The following ABCA13 variants were observed in gnomAD, a reference collection of about 807,000 sequenced individuals.
ABCA13 encodes ATP-binding cassette sub-family A member 13.
A neutral mutation model predicts 478.7 loss-of-function variants in ABCA13; 476 were observed. That is an observed-to-expected ratio of 0.99 (90% CI 0.92 to 1.07). The LOEUF (loss-of-function observed/expected upper bound fraction) is 1.07. ABCA13 is among the 50% of genes least tolerant of loss of function. The probability of loss-of-function intolerance (pLI) is 0.00; values close to 1 mark genes in which losing one functional copy is unlikely to be tolerated. For missense variants in ABCA13, 6,060 were observed against 5,910.6 expected, an observed-to-expected ratio of 1.03 and a Z score of -0.83; for synonymous variants, 2,252 against 2,158.9, an observed-to-expected ratio of 1.04 and a Z score of -1.20.
intron 41 of ABCA13, among the ~76,000 whole-genome samples, chr7:48,414,595 T>C (rs1819715606): frequency 6.7e-6 from 1 of 150,086 alleles, no homozygotes; most frequent in Non-Finnish European, 1.5e-5. Flanking sequence ...ATAATATACA[T>C]ACATATACAT....
rs1030285862 is a variant in ABCA13, at chr7:48,198,306, C to T, written c.233C>T (p.Thr78Ile). 4.3e-6 allele frequency: 7 copies of T among 1,613,618 alleles called. No individual in the cohort carries two copies. The highest frequency in any genetic ancestry group is 5.1e-6 in the Non-Finnish European group (6 of 1,179,834). ...IPFVQSLLCN[T>I]GSRCRNFSYE... The stretch of plus-strand genomic sequence containing the variant: ...TTTGTTCAAAGCCTTCTTTGTAACA[C>T]TGGATCAAGGTGTAGGAACTTCAGC... Residue 78 changes from threonine (T) to isoleucine (I), a missense_variant, in exon 3 of 62, where the codon ACT becomes ATT. Coordinates refer to ENST00000435803, the MANE Select transcript of ABCA13 (RefSeq NM_152701.5).
chr7:48,198,185 C>T, intron 2 of ABCA13, 52 bp from the exon 3 acceptor site: 4 of 1,532,410 alleles, frequency 2.6e-6, no homozygotes, highest in South Asian at 2.7e-5. Context: ...ACAGGAATTC[C>T]ATTTCTGGTA....
At chr7:48,637,907 G>T (rs527744212) in intron 59 of ABCA13, among the ~76,000 whole-genome samples, 1 of 152,134 alleles carries the variant, frequency 6.6e-6, no homozygotes, top group Non-Finnish European at 1.5e-5. Context: ...CATCTGCAGG[G>T]GTGTTAGAGT....
intron 27 of ABCA13, among the ~76,000 whole-genome samples, chr7:48,323,769 C>T (rs1244769378): frequency 6.6e-6 from 1 of 152,200 alleles, no homozygotes; most frequent in Non-Finnish European, 1.5e-5. Context: ...ACCCACATCT[C>T]ATCTTGAATT....
intron 27 of ABCA13, among the ~76,000 whole-genome samples, chr7:48,319,270 T>G (rs1018456929): frequency 6.6e-6 from 1 of 152,210 alleles, no homozygotes; most frequent in Non-Finnish European, 1.5e-5. Context: ...TTTTAGATAT[T>G]GCAGGCAGTA....
At chr7:48,459,529 G>T (rs1201275489) in intron 43 of ABCA13, among the ~76,000 whole-genome samples, 1 of 152,240 alleles carries the variant, frequency 6.6e-6, no homozygotes, top group South Asian at 2.1e-4. Context: ...CGGCTCAGAT[G>T]CCCCCTTCCA....
chr7:48,432,022 T>C (rs1287211316), intron 42 of ABCA13, among the ~76,000 whole-genome samples: 4 of 152,300 alleles, frequency 2.6e-5, no homozygotes, highest in African/African-American at 9.6e-5. Context: ...AATTTTTTAA[T>C]TTTACATACG....
chr7:48,439,280 G>A (rs1823262966), intron 42 of ABCA13, among the ~76,000 whole-genome samples: 2 of 152,078 alleles, frequency 1.3e-5, no homozygotes, highest in Admixed American at 1.3e-4. Context: ...AGTTCCTTGA[G>A]GTGCCCATTT....
At chr7:48,246,713 G>A (rs1363898623) in intron 13 of ABCA13, among the ~76,000 whole-genome samples, 1 of 152,120 alleles carries the variant, frequency 6.6e-6, no homozygotes, top group Non-Finnish European at 1.5e-5. Flanking sequence ...ATTGAATAGT[G>A]TGCATAATTC....
chr7:48,547,093 A>C (rs1784887293), intron 55 of ABCA13, among the ~76,000 whole-genome samples: 1 of 151,948 alleles, frequency 6.6e-6, no homozygotes, highest in African/African-American at 2.4e-5. Context: ...CTATGTTTGT[A>C]TGTATCAATT....
At chr7:48,287,912 AG>A in intron 19 of ABCA13, 47 bp from the exon 20 acceptor site, 1 of 1,438,232 alleles carries the variant, frequency 7.0e-7, no homozygotes. Flanking sequence ...TGGCTAGTTC[AG>A]GAGAGGACTG....
chr7:48,630,393 A>G (rs1274377745), intron 59 of ABCA13, among the ~76,000 whole-genome samples: 2 of 152,126 alleles, frequency 1.3e-5, no homozygotes, highest in African/African-American at 2.4e-5. Flanking sequence ...ACTCCCACAT[A>G]TAAGTGTGAA....
chr7:48,340,479 AAAATAC>A (rs1806981366), intron 29 of ABCA13, among the ~76,000 whole-genome samples: 1 of 152,248 alleles, frequency 6.6e-6, no homozygotes, highest in Non-Finnish European at 1.5e-5. Context: ...GAAACATTAG[AAAATAC>A]AAATAAGCCA....
intron 35 of ABCA13, among the ~76,000 whole-genome samples, chr7:48,381,684 A>T (rs2129044292): frequency 6.6e-6 from 1 of 152,156 alleles, no homozygotes; most frequent in African/African-American, 2.4e-5. Context: ...GATCTGTCTA[A>T]TTTCATTGAC....
chr7:48,632,763 T>A (rs1408915894), intron 59 of ABCA13, among the ~76,000 whole-genome samples: 1 of 152,202 alleles, frequency 6.6e-6, no homozygotes, highest in Non-Finnish European at 1.5e-5. Flanking sequence ...TTGAAAAGAC[T>A]ATTCAGACAT....
At chr7:48,341,835 T>TATATATATATATATCTTTCTG (rs1299553313) in intron 29 of ABCA13, among the ~76,000 whole-genome samples, 13 of 79,684 alleles carry the variant, frequency 1.6e-4, no homozygotes, top group African/African-American at 5.4e-4. Context: ...ATCTTTCTGA[T>TATATATATATATATCTTTCTG]ATATATATAT....
chr7:48,304,638 GAA>G (rs911683605), intron 23 of ABCA13, among the ~76,000 whole-genome samples: 11 of 151,980 alleles, frequency 7.2e-5, no homozygotes, highest in African/African-American at 2.7e-4. Flanking sequence ...ATGAGAGGGG[GAA>G]AAAGAGTTGA....
intron 32 of ABCA13, among the ~76,000 whole-genome samples, chr7:48,369,976 T>G (rs1168591638): frequency 5.3e-5 from 8 of 152,168 alleles, no homozygotes; most frequent in Non-Finnish European, 1.0e-4. Context: ...CAGATTGCTT[T>G]TGGCAGTATG....
intron 58 of ABCA13, among the ~76,000 whole-genome samples, chr7:48,608,669 C>G (rs992345390): frequency 2.0e-5 from 3 of 152,244 alleles, no homozygotes; most frequent in Admixed American, 2.0e-4. Context: ...TGCTGATCCT[C>G]ATGGTCTGCC....
Sources: allele counts gnomAD v4.1 joint callset (sites outside exome capture counted in the v4.1 genomes callset), GRCh38; gene constraint gnomAD v4.1.1; transcripts MANE v1.5; gene names NCBI Gene and HGNC (gene_info 2026-07-23, HGNC 2026-07-21).